Variants in PTPRD observed in about 807,000 individuals in gnomAD.
PTPRD encodes the protein receptor-type tyrosine-protein phosphatase delta.
A neutral mutation model predicts 214.5 loss-of-function variants in PTPRD; 34 were observed. That is an observed-to-expected ratio of 0.16 (90% CI 0.12 to 0.21). PTPRD has a LOEUF of 0.21. PTPRD is among the 10% of genes least tolerant of loss of function. PTPRD has a pLI of 1.00. For synonymous variants in PTPRD, 1,128 were observed against 845.7 expected, an observed-to-expected ratio of 1.33 and a Z score of -5.79; for missense variants, 2,545 against 2,398.7, an observed-to-expected ratio of 1.06 and a Z score of -1.27.
intron 8 of PTPRD, among the ~76,000 whole-genome samples, chr9:9,471,385 C>T (rs549741090): frequency 4.6e-5 from 7 of 152,110 alleles, no homozygotes; most frequent in Middle Eastern, 6.8e-3. Flanking sequence ...ACCTACAAAG[C>T]GATCATATTT....
intron 3 of PTPRD, among the ~76,000 whole-genome samples, chr9:10,184,746 T>A (rs294848): frequency 6.6e-6 from 1 of 152,000 alleles, no homozygotes; most frequent in Non-Finnish European, 1.5e-5. Context: ...GGGGGCAGAA[T>A]AAGCAATATC....
chr9:10,276,497 T>G (rs2094698775), intron 3 of PTPRD, among the ~76,000 whole-genome samples: 1 of 152,320 alleles, frequency 6.6e-6, no homozygotes, highest in African/African-American at 2.4e-5. Flanking sequence ...TTAAAATTAT[T>G]GTATAAAATT....
At chr9:10,223,911 T>C (rs2099580145) in intron 3 of PTPRD, among the ~76,000 whole-genome samples, 3 of 151,696 alleles carry the variant, frequency 2.0e-5, no homozygotes. Context: ...TCACAGTAAA[T>C]GCATACTTGT....
intron 7 of PTPRD, among the ~76,000 whole-genome samples, chr9:9,651,826 G>GTT (rs869105633): frequency 0.02 from 1,098 of 55,090 alleles, 230 homozygotes; most frequent in Non-Finnish European, 0.029. Context: ...TTCAAGGTTT[G>GTT]TTTTTTTTTT....
chr9:8,334,106 C>T (rs1222105613), intron 43 of PTPRD, among the ~76,000 whole-genome samples: 1 of 152,114 alleles, frequency 6.6e-6, no homozygotes, highest in Non-Finnish European at 1.5e-5. Flanking sequence ...TTTAACACCC[C>T]ACTGTCAATA....
chr9:10,255,911 G>T (rs2154372196), intron 3 of PTPRD, among the ~76,000 whole-genome samples: 1 of 152,260 alleles, frequency 6.6e-6, no homozygotes, highest in Middle Eastern at 3.4e-3. Flanking sequence ...GACTGGTACT[G>T]CTCTAGTACC....
Position 8,404,518 on chromosome 9 carries a change from G to C in PTPRD, c.4210+19C>G, listed in dbSNP as rs201338080. 1 of 1,601,620 alleles carries C rather than the reference G, an allele frequency of 6.2e-7. No homozygotes were observed. Among genetic ancestry groups the C allele is most frequent in the Non-Finnish European group, 8.5e-7 (1 of 1,170,580 alleles). On this transcript the variant is annotated intron_variant, in intron 36 of 45. Transcript: ENST00000381196. ...AATCCATGAAAATAAAGGTATCAGT[G>C]ATGTCTGCATTTCCTTACCTTCTAT...
intron 5 of PTPRD, among the ~76,000 whole-genome samples, chr9:9,898,979 A>C (rs891463884): frequency 5.3e-5 from 8 of 152,116 alleles, no homozygotes; most frequent in African/African-American, 1.9e-4. Context: ...GATTATCTAC[A>C]TAACAAATCC....
chr9:8,953,427 G>A (rs1335219617), intron 11 of PTPRD, among the ~76,000 whole-genome samples: 2 of 151,892 alleles, frequency 1.3e-5, no homozygotes, highest in Non-Finnish European at 2.9e-5. Context: ...TACCCTTCTT[G>A]ATATCAGCCT....
chr9:9,504,596 G>T (rs955132564), intron 8 of PTPRD, among the ~76,000 whole-genome samples: 6 of 151,602 alleles, frequency 4.0e-5, no homozygotes, highest in Non-Finnish European at 5.9e-5. Flanking sequence ...GAGATACAAG[G>T]CAAAGATGCC....
chr9:8,527,544 G>A (rs762551801), intron 15 of PTPRD, among the ~76,000 whole-genome samples, 191 bp from the exon 16 acceptor site: 2 of 151,904 alleles, frequency 1.3e-5, no homozygotes, highest in Non-Finnish European at 2.9e-5. Flanking sequence ...AGCAAAAGAG[G>A]CAGTTAACAA....
At chr9:9,709,921 T>A (rs779947827) in intron 7 of PTPRD, among the ~76,000 whole-genome samples, 1 of 152,118 alleles carries the variant, frequency 6.6e-6, no homozygotes, top group Non-Finnish European at 1.5e-5. Context: ...ATCCTTTTTC[T>A]GCATTGTACA....
At chr9:10,475,245 T>G (rs1449514904) in intron 2 of PTPRD, among the ~76,000 whole-genome samples, 1 of 151,696 alleles carries the variant, frequency 6.6e-6, no homozygotes, top group African/African-American at 2.4e-5. Flanking sequence ...CTAGCCAGAC[T>G]AATAAAGAAG....
chr9:9,303,896 G>A (rs1157583829), intron 9 of PTPRD, among the ~76,000 whole-genome samples: 1 of 152,094 alleles, frequency 6.6e-6, no homozygotes, highest in Non-Finnish European at 1.5e-5. Flanking sequence ...CTGATGTAAT[G>A]ATTTAATTTC....
chr9:8,441,387 C>A (rs1042252909), intron 34 of PTPRD, among the ~76,000 whole-genome samples: 1 of 152,124 alleles, frequency 6.6e-6, no homozygotes, highest in South Asian at 2.1e-4. Context: ...CAAGGCCAAT[C>A]GGTTCAGACT....
intron 7 of PTPRD, among the ~76,000 whole-genome samples, chr9:9,698,994 G>T (rs1439208088): frequency 3.3e-5 from 5 of 152,036 alleles, no homozygotes; most frequent in African/African-American, 1.2e-4. Flanking sequence ...TTAATAAAAC[G>T]ATTGTCTTTG....
chr9:10,184,871 G>GT (rs1414318736), intron 3 of PTPRD, among the ~76,000 whole-genome samples: 2 of 152,110 alleles, frequency 1.3e-5, no homozygotes, highest in South Asian at 2.1e-4. Flanking sequence ...TTGGCAGTGA[G>GT]TTTTTTTATT....
rs148171554 is a variant in PTPRD, at chr9:10,413,965, T to C, written c.-599-72948A>G. ...TATAGAAAGATCAACTTAAGATGAA[T>C]AAAGTCTTAAATGTAAAATCCCAAA... On this transcript the variant is annotated intron_variant, in intron 2 of 45. Coordinates refer to ENST00000381196, the MANE Select transcript of PTPRD (RefSeq NM_002839.4). Among the ~76,000 whole-genome samples the C allele has an allele frequency of 5.4e-3, 816 of 152,094 alleles. 6 individuals carry two copies. The highest frequency in any genetic ancestry group is 0.018 in the African/African-American group (758 of 41,558).
At chr9:9,761,368 G>C (rs930664109) in intron 6 of PTPRD, among the ~76,000 whole-genome samples, 2 of 152,184 alleles carry the variant, frequency 1.3e-5, no homozygotes, top group Non-Finnish European at 2.9e-5. Context: ...TTGCCAGGAA[G>C]TATTGTTTAG....
Sources: gnomAD v4.1 joint callset for allele counts (sites outside exome capture counted in the v4.1 genomes callset) on GRCh38, gnomAD v4.1.1 for gene constraint, MANE v1.5 for transcripts, NCBI Gene and HGNC (gene_info 2026-07-23, HGNC 2026-07-21) for gene names.